Variants in GREM2 observed in about 807,000 individuals in gnomAD.
GREM2 encodes gremlin 2, DAN family BMP antagonist, also known as gremlin-2.
In GREM2, 11 loss-of-function variants were observed where a neutral mutation model predicts 14.2. The ratio of observed to expected loss-of-function variants is 0.78; its 90% CI spans 0.49 to 1.28. The LOEUF (loss-of-function observed/expected upper bound fraction) is 1.28, where lower values mean the gene tolerates loss of function less well. Among genes scored for constraint, GREM2 ranks in the 50% most tolerant of loss-of-function variants. The pLI is 0.00. For missense variants in GREM2, 210 were observed against 218.5 expected (o/e 0.96, Z 0.24); for synonymous variants, 98 against 97.6 (o/e 1.00, Z -0.02).
chr1:240,532,298 G>A (rs1320509227), intron 1 of GREM2, among the ~76,000 whole-genome samples: 2 of 152,056 alleles, frequency 1.3e-5, no homozygotes, highest in African/African-American at 4.8e-5. Context: ...TCGCCAGGCT[G>A]GTCTTGAACT....
chr1:240,535,090 C>A (rs1211963786), intron 1 of GREM2, among the ~76,000 whole-genome samples: 1 of 151,916 alleles, frequency 6.6e-6, no homozygotes, highest in Non-Finnish European at 1.5e-5. Context: ...AGATTTGAGT[C>A]TATAACATAG....
intron 1 of GREM2, among the ~76,000 whole-genome samples, chr1:240,537,002 A>T (rs10926295): frequency 0.048 from 7,313 of 152,290 alleles, 624 homozygotes; most frequent in African/African-American, 0.17. Flanking sequence ...ATAAACTGGA[A>T]TGACCAATTA....
chr1:240,578,430 C>G (rs926682064), intron 1 of GREM2, among the ~76,000 whole-genome samples: 1 of 152,040 alleles, frequency 6.6e-6, no homozygotes, highest in Non-Finnish European at 1.5e-5. Context: ...CAAGCCACAG[C>G]TTACTCTTTT....
chr1:240,536,789 A>G (rs1171956210), intron 1 of GREM2, among the ~76,000 whole-genome samples: 1 of 152,152 alleles, frequency 6.6e-6, no homozygotes. Context: ...GCATGGGGAT[A>G]AGGTCTCTGA....
At chr1:240,505,108 G>T (rs1327483898) in intron 1 of GREM2, among the ~76,000 whole-genome samples, 1 of 152,020 alleles carries the variant, frequency 6.6e-6, no homozygotes, top group Non-Finnish European at 1.5e-5. Context: ...AAAGGGTGTG[G>T]CACCTCCCCT....
chr1:240,563,117 A>G (rs541368067), intron 1 of GREM2, among the ~76,000 whole-genome samples: 3 of 134,122 alleles, frequency 2.2e-5, no homozygotes, highest in East Asian at 2.4e-4. Context: ...ATGTGTGTAT[A>G]TGTGAGTGTG....
intron 1 of GREM2, among the ~76,000 whole-genome samples, chr1:240,604,044 G>T (rs917615075): frequency 6.6e-6 from 1 of 151,640 alleles, no homozygotes; most frequent in South Asian, 2.1e-4. Context: ...GGAGGCAGGG[G>T]TGTCACACAG....
chr1:240,592,735 G>A (rs1338615776), intron 1 of GREM2, among the ~76,000 whole-genome samples: 1 of 152,146 alleles, frequency 6.6e-6, no homozygotes, highest in Non-Finnish European at 1.5e-5. Flanking sequence ...TTACACATTG[G>A]TGTTACAGAG....
chr1:240,521,185 T>C (rs1678075860), intron 1 of GREM2, among the ~76,000 whole-genome samples: 1 of 152,142 alleles, frequency 6.6e-6, no homozygotes, highest in African/African-American at 2.4e-5. Flanking sequence ...GTCTTGTGAG[T>C]GATGGAAGCA....
At position 240,512,184 on chromosome 1, in the gene GREM2, T is replaced by G. The variant is rs1228495723; in HGVS notation, c.-1-18708A>C. 2.0e-5 allele frequency among the ~76,000 whole-genome samples: 3 copies of G among 152,094 alleles called. No individual in the cohort carries two copies. The East Asian group carries it at 5.8e-4, about 29-fold the overall frequency. ...CAAAGGAAAATTATTTGAGGGAGAT[T>G]TTTTTCTCAAGAAAAATACAAGAGA... On this transcript the variant is annotated intron_variant, in intron 1 of 1. Coordinates refer to ENST00000318160, the MANE Select transcript of GREM2 (RefSeq NM_022469.4).
chr1:240,591,959 G>A (rs775254305), intron 1 of GREM2, among the ~76,000 whole-genome samples: 7 of 152,114 alleles, frequency 4.6e-5, no homozygotes, highest in South Asian at 4.2e-4. Context: ...TTCAGACCAC[G>A]GTTCTACAAT....
intron 1 of GREM2, among the ~76,000 whole-genome samples, chr1:240,584,711 A>G (rs1309130147): frequency 1.3e-5 from 2 of 152,026 alleles, no homozygotes; most frequent in East Asian, 3.9e-4. Context: ...CCCTGTCTCA[A>G]AATAAAGAAA....
At chr1:240,502,900 G>A (rs1302945584) in intron 1 of GREM2, among the ~76,000 whole-genome samples, 2 of 152,300 alleles carry the variant, frequency 1.3e-5, no homozygotes, top group Non-Finnish European at 2.9e-5. Flanking sequence ...CCTTGCAAGC[G>A]ACTGATTTAA....
intron 1 of GREM2, among the ~76,000 whole-genome samples, chr1:240,526,013 CCTT>C (rs1205282693): frequency 2.6e-5 from 4 of 152,188 alleles, no homozygotes; most frequent in African/African-American, 7.2e-5. Context: ...AGTCACATCT[CCTT>C]CTGACCACAG....
intron 1 of GREM2, among the ~76,000 whole-genome samples, chr1:240,583,056 T>C (rs1572410152): frequency 6.6e-6 from 1 of 152,198 alleles, no homozygotes; most frequent in Non-Finnish European, 1.5e-5. Context: ...TCTTCTTTTA[T>C]GGCATTTTAG....
In GREM2 at chr1:240,492,660, C is replaced by G. The variant is rs950999293; in HGVS notation, c.*309G>C. ...CATCAATGCCGGATTTACAGTGCAT[C>G]ACCTCGAAAGGTCCTCTCTGACTGC... On this transcript the variant is annotated 3_prime_UTR_variant, in exon 2 of 2. Coordinates refer to ENST00000318160, the MANE Select transcript of GREM2 (RefSeq NM_022469.4). The G allele has an allele frequency of 1.4e-5, 3 of 215,930 alleles. No homozygotes were observed. The highest frequency in any genetic ancestry group is 2.7e-5 in the Non-Finnish European group (3 of 110,010). The allele number at this position is 215,930 out of a possible 1,614,324, so 13.4% of individuals were successfully genotyped here.
chr1:240,533,441 C>A (rs144535722), intron 1 of GREM2, among the ~76,000 whole-genome samples: 2,241 of 152,246 alleles, frequency 0.015, 41 homozygotes, highest in Non-Finnish European at 0.017. Context: ...AGTTGAGAAG[C>A]CCTTGGTATC....
intron 1 of GREM2, among the ~76,000 whole-genome samples, chr1:240,520,189 G>A (rs10802883): frequency 0.4 from 60,109 of 152,070 alleles, 12,279 homozygotes; most frequent in East Asian, 0.73. Flanking sequence ...TCTTCAGTAT[G>A]CAATTTTTGT....
At chr1:240,596,481 G>A (rs900219193) in intron 1 of GREM2, among the ~76,000 whole-genome samples, 9 of 152,134 alleles carry the variant, frequency 5.9e-5, no homozygotes, top group African/African-American at 2.2e-4. Flanking sequence ...TGGATCACCT[G>A]AGATCAGGAG....
Sources: gnomAD v4.1 joint callset for allele counts (sites outside exome capture counted in the v4.1 genomes callset) on GRCh38, gnomAD v4.1.1 for gene constraint, MANE v1.5 for transcripts, NCBI Gene and HGNC (gene_info 2026-07-23, HGNC 2026-07-21) for gene names.